PSD3: variants seen among roughly 807,000 people sequenced by gnomAD.
PSD3 encodes the protein pleckstrin and Sec7 domain containing 3.
A neutral mutation model predicts 105.5 loss-of-function variants in PSD3; 49 were observed. The ratio of observed to expected loss-of-function variants is 0.46; its 90% CI spans 0.37 to 0.59. The LOEUF (loss-of-function observed/expected upper bound fraction) is 0.59, where lower values mean the gene tolerates loss of function less well. Among genes scored for constraint, PSD3 ranks in the 20% least tolerant of loss-of-function variants. The pLI, the probability that PSD3 is intolerant of heterozygous loss-of-function variation, is 0.00. For missense variants in PSD3, 1,561 were observed against 1,263.8 expected (o/e 1.24, Z -3.57); for synonymous variants, 557 against 457.8 (o/e 1.22, Z -2.77).
At chr8:18,754,241 G>C (rs938685073) in intron 9 of PSD3, among the ~76,000 whole-genome samples, 4 of 152,030 alleles carry the variant, frequency 2.6e-5, no homozygotes, top group African/African-American at 7.2e-5. Flanking sequence ...AAAATTAGGA[G>C]GGCGTGGTGG....
At chr8:19,004,827 G>C (rs554032759) in intron 1 of PSD3, among the ~76,000 whole-genome samples, 2 of 152,100 alleles carry the variant, frequency 1.3e-5, no homozygotes, top group East Asian at 3.9e-4. Flanking sequence ...CAAGAGATCT[G>C]ATGGCTTTAA....
intron 2 of PSD3, among the ~76,000 whole-genome samples, chr8:18,925,861 C>T (rs1821328947): frequency 6.6e-6 from 1 of 152,146 alleles, no homozygotes; most frequent in South Asian, 2.1e-4. Context: ...GGTGTTTCTG[C>T]TCAACTCAAA....
intron 9 of PSD3, among the ~76,000 whole-genome samples, chr8:18,765,001 C>T (rs757551847): frequency 2.0e-5 from 3 of 152,176 alleles, no homozygotes; most frequent in Non-Finnish European, 2.9e-5. Context: ...AGGCATTCTA[C>T]AATTACTGAG....
At chr8:18,612,478 T>C (rs1406514255) in intron 11 of PSD3, among the ~76,000 whole-genome samples, 1 of 152,126 alleles carries the variant, frequency 6.6e-6, no homozygotes. Context: ...GTTCAAGCCA[T>C]TCCCCTGCCT....
intron 2 of PSD3, among the ~76,000 whole-genome samples, chr8:18,906,588 A>G (rs929974899): frequency 2.6e-5 from 4 of 152,208 alleles, no homozygotes; most frequent in Admixed American, 2.0e-4. Flanking sequence ...TTGTAGGGAC[A>G]ATATATATGA....
chr8:18,841,960 G>T (rs1288660082), intron 4 of PSD3, among the ~76,000 whole-genome samples: 2 of 152,180 alleles, frequency 1.3e-5, no homozygotes, highest in Non-Finnish European at 2.9e-5. Context: ...AGGTAGGGAA[G>T]GAAGAGCTGC....
intron 2 of PSD3, among the ~76,000 whole-genome samples, chr8:18,923,049 T>A (rs1345579289): frequency 6.6e-6 from 1 of 152,020 alleles, no homozygotes; most frequent in Admixed American, 6.6e-5. Context: ...CCCTCTCCCC[T>A]CCCCAGAGGT....
At chr8:18,853,626 T>C (rs1021953837) in intron 4 of PSD3, among the ~76,000 whole-genome samples, 6 of 152,118 alleles carry the variant, frequency 3.9e-5, no homozygotes, top group South Asian at 2.1e-4. Flanking sequence ...CTAAGGTGAA[T>C]CACCTTTCCA....
At chr8:18,819,059 G>C (rs1308122257) in intron 4 of PSD3, among the ~76,000 whole-genome samples, 1 of 70,540 alleles carries the variant, frequency 1.4e-5, no homozygotes, top group African/African-American at 3.7e-5. Context: ...AAGTGAACTG[G>C]AGAACTTCCC....
chr8:18,985,572 T>G (rs1017950485), intron 1 of PSD3, among the ~76,000 whole-genome samples: 4 of 152,208 alleles, frequency 2.6e-5, no homozygotes, highest in African/African-American at 9.6e-5. Context: ...CTTGGGGACT[T>G]TATCATGAAA....
At position 18,613,250 on chromosome 8, in the gene PSD3, C is replaced by G. The variant is rs147582936; in HGVS notation, c.2411-12816G>C. Among the ~76,000 whole-genome samples the G allele has an allele frequency of 3.5e-3, 529 of 152,222 alleles. 6 individuals carry two copies. Among genetic ancestry groups the G allele is most frequent in the African/African-American group, 0.012 (515 of 41,536 alleles). ...AACCAGACTGCCGGTCCGGATGAAG[C>G]CCACCCTTTTCCCCAAATGATTCTT... On this transcript the variant is annotated intron_variant, in intron 11 of 15. Transcript: ENST00000327040.
chr8:18,549,502 C>T (rs912548527), intron 15 of PSD3, among the ~76,000 whole-genome samples: 1 of 152,224 alleles, frequency 6.6e-6, no homozygotes, highest in Non-Finnish European at 1.5e-5. Context: ...AGCCACCACG[C>T]CTGGCCCTAT....
At chr8:18,645,844 T>A (rs2130814858) in intron 10 of PSD3, among the ~76,000 whole-genome samples, 1 of 152,336 alleles carries the variant, frequency 6.6e-6, no homozygotes, top group Non-Finnish European at 1.5e-5. Flanking sequence ...CATTATTCCT[T>A]CTTTGTAGTC....
At chr8:18,696,373 T>C (rs1801262470) in intron 9 of PSD3, among the ~76,000 whole-genome samples, 1 of 152,196 alleles carries the variant, frequency 6.6e-6, no homozygotes, top group African/African-American at 2.4e-5. Flanking sequence ...TTATACATGG[T>C]TTTAGAGGAA....
At chr8:18,539,052 G>A (rs777155677) in intron 15 of PSD3, among the ~76,000 whole-genome samples, 66 of 152,210 alleles carry the variant, frequency 4.3e-4, no homozygotes, top group Non-Finnish European at 8.5e-4. Flanking sequence ...ACCCAGAAAT[G>A]TAGCTTTGCA....
chr8:18,948,243 A>G (rs1336037440), intron 1 of PSD3, among the ~76,000 whole-genome samples: 2 of 152,230 alleles, frequency 1.3e-5, no homozygotes, highest in Non-Finnish European at 2.9e-5. Flanking sequence ...AGCAGATAGT[A>G]TAAATATTTG....
chr8:18,658,431 G>A (rs1200370476), intron 9 of PSD3, among the ~76,000 whole-genome samples: 5 of 151,646 alleles, frequency 3.3e-5, no homozygotes, highest in South Asian at 2.1e-4. Context: ...TAGCCTAGAC[G>A]TCATAGTCTC....
intron 7 of PSD3, among the ~76,000 whole-genome samples, chr8:18,800,345 T>G (rs984645696): frequency 5.9e-5 from 9 of 152,206 alleles, no homozygotes; most frequent in Non-Finnish European, 1.2e-4. Context: ...GAATGTGACC[T>G]TAATCAGGTG....
intron 4 of PSD3, among the ~76,000 whole-genome samples, chr8:18,829,411 T>C (rs1282150864): frequency 6.6e-6 from 1 of 152,314 alleles, no homozygotes; most frequent in East Asian, 1.9e-4. Flanking sequence ...TCTTCCATAG[T>C]TCCCCAGCAA....
Sources: gnomAD v4.1 joint callset for allele counts (sites outside exome capture counted in the v4.1 genomes callset) on GRCh38, gnomAD v4.1.1 for gene constraint, MANE v1.5 for transcripts, NCBI Gene and HGNC (gene_info 2026-07-23, HGNC 2026-07-21) for gene names.